The following LRP1B variants were observed in gnomAD, a reference collection of about 807,000 sequenced individuals.
LRP1B encodes the protein low-density lipoprotein receptor-related protein 1B.
Under a neutral mutation model 556.6 loss-of-function variants are expected in LRP1B, and 217 were observed. The ratio of observed to expected loss-of-function variants is 0.39; its 90% CI spans 0.35 to 0.44. The LOEUF (loss-of-function observed/expected upper bound fraction) is 0.44, where lower values mean the gene tolerates loss of function less well. LRP1B is among the 20% of genes least tolerant of loss of function. LRP1B has a pLI of 1.00. For synonymous variants in LRP1B, 2,047 were observed against 1,865.8 expected, an observed-to-expected ratio of 1.10 and a Z score of -2.50; for missense variants, 5,053 against 5,620.8, an observed-to-expected ratio of 0.90 and a Z score of 3.23.
Position 140,702,496 on chromosome 2 carries a change from A to T in LRP1B, c.6081T>A (p.Asp2027Glu), listed in dbSNP as rs777376619. Residue 2027 changes from aspartate (D) to glutamate (E), a missense_variant, in exon 38 of 91, where the codon GAT (aspartate) becomes GAA (glutamate). Physicochemically the swap from Asp to Glu is conservative, Grantham distance 45. Coordinates refer to ENST00000389484, the MANE Select transcript of LRP1B (RefSeq NM_018557.3). The part of the protein sequence containing the change: ...QMPCIGKARL[D>E]GSEKVVLVSM... ...TTACAAGGACAACCTTCTCTGAGCCATCCAAGCGAGCCTTTCCAATACAGG... is the reference window on the plus strand; with the variant it reads ...TTACAAGGACAACCTTCTCTGAGCCTTCCAAGCGAGCCTTTCCAATACAGG... 13 of 1,613,578 alleles carry T rather than the reference A, an allele frequency of 8.1e-6. No homozygotes were observed. The highest frequency in any genetic ancestry group is 1.1e-5 in the Non-Finnish European group (13 of 1,179,698).
At chr2:140,538,194 G>A (rs1409765189) in intron 45 of LRP1B, among the ~76,000 whole-genome samples, 1 of 151,896 alleles carries the variant, frequency 6.6e-6, no homozygotes, top group Admixed American at 6.6e-5. Context: ...TTAGTAGAGG[G>A]TCTATCTAAG....
intron 1 of LRP1B, among the ~76,000 whole-genome samples, chr2:141,852,408 G>A (rs1697896530): frequency 6.6e-6 from 1 of 151,664 alleles, no homozygotes; most frequent in South Asian, 2.1e-4. Flanking sequence ...ATACAAACAT[G>A]CATATATGAT....
rs114529116 is a variant in LRP1B, at chr2:140,556,273, T to A, written c.7195-14302A>T. On this transcript the variant is annotated intron_variant, in intron 43 of 90. Coordinates refer to ENST00000389484, the MANE Select transcript of LRP1B (RefSeq NM_018557.3). Reference sequence around the variant, plus strand: ...TAGGTCATAGGACTCTAATCTGCCCTTGGAGGAAAGGACACCCTAATCTGC... The same window carrying A: ...TAGGTCATAGGACTCTAATCTGCCCATGGAGGAAAGGACACCCTAATCTGC... Among the ~76,000 whole-genome samples, 1,154 of 152,076 alleles carry A rather than the reference T, an allele frequency of 7.6e-3. 17 individuals carry two copies. Among genetic ancestry groups the A allele is most frequent in the African/African-American group, 0.026 (1,098 of 41,480 alleles).
intron 71 of LRP1B, among the ~76,000 whole-genome samples, chr2:140,368,132 T>C (rs1365860289): frequency 6.6e-6 from 1 of 151,766 alleles, no homozygotes; most frequent in Non-Finnish European, 1.5e-5. Flanking sequence ...ATTCCTTATT[T>C]TGAAATGGCA....
chr2:141,480,854 T>C (rs1682895003), intron 2 of LRP1B, among the ~76,000 whole-genome samples: 1 of 152,156 alleles, frequency 6.6e-6, no homozygotes, highest in South Asian at 2.1e-4. Context: ...CCTAGATAAG[T>C]TGGGCAGGGT....
At chr2:141,320,488 T>C (rs1687197830) in intron 3 of LRP1B, among the ~76,000 whole-genome samples, 1 of 152,056 alleles carries the variant, frequency 6.6e-6, no homozygotes, top group Non-Finnish European at 1.5e-5. Context: ...TTAGTGATGC[T>C]ATGTACTATG....
At chr2:142,081,218 A>G (rs1007534074) in intron 1 of LRP1B, among the ~76,000 whole-genome samples, 2 of 152,162 alleles carry the variant, frequency 1.3e-5, no homozygotes, top group African/African-American at 4.8e-5. Flanking sequence ...AGTATATAAG[A>G]AGAAATAAGA....
intron 7 of LRP1B, among the ~76,000 whole-genome samples, chr2:141,115,867 C>G (rs989508335): frequency 3.3e-5 from 5 of 152,102 alleles, no homozygotes; most frequent in African/African-American, 4.8e-5. Context: ...ATTTTGCTTT[C>G]ACACACCCTA....
chr2:140,594,409 C>G (rs62171950), intron 43 of LRP1B, among the ~76,000 whole-genome samples: 31,155 of 152,102 alleles, frequency 0.2, 3,509 homozygotes, highest in Admixed American at 0.28. Flanking sequence ...AATGACTAAG[C>G]CTATCAGACT....
At chr2:141,507,564 T>C (rs1683976353) in intron 2 of LRP1B, among the ~76,000 whole-genome samples, 1 of 152,156 alleles carries the variant, frequency 6.6e-6, no homozygotes, top group South Asian at 2.1e-4. Flanking sequence ...CAGTGAATTC[T>C]CTTCAGGAGA....
At chr2:140,855,997 C>A (rs965434639) in intron 27 of LRP1B, among the ~76,000 whole-genome samples, 4 of 152,266 alleles carry the variant, frequency 2.6e-5, no homozygotes, top group African/African-American at 9.6e-5. Flanking sequence ...TCTACTCCTC[C>A]AACATGTTTC....
intron 15 of LRP1B, among the ~76,000 whole-genome samples, chr2:140,997,558 T>C (rs1011279353): frequency 2.9e-4 from 44 of 150,890 alleles, no homozygotes; most frequent in African/African-American, 9.2e-4. Flanking sequence ...TCTAAATTAA[T>C]TTTTCCCTCA....
chr2:140,664,431 C>G (rs899711536), intron 41 of LRP1B, among the ~76,000 whole-genome samples: 1 of 151,860 alleles, frequency 6.6e-6, no homozygotes, highest in African/African-American at 2.4e-5. Flanking sequence ...CTCTGTTCAA[C>G]TATTCTTTCC....
intron 43 of LRP1B, among the ~76,000 whole-genome samples, chr2:140,559,554 C>A (rs905830763): frequency 6.6e-6 from 1 of 152,032 alleles, no homozygotes; most frequent in Non-Finnish European, 1.5e-5. Context: ...AAGTCCAGTG[C>A]CAGCCTGGAA....
At chr2:142,053,646 G>A (rs879735194) in intron 1 of LRP1B, among the ~76,000 whole-genome samples, 1 of 152,130 alleles carries the variant, frequency 6.6e-6, no homozygotes, top group Admixed American at 6.6e-5. Flanking sequence ...ATGCATGAAA[G>A]GCAGTTGGAT....
chr2:141,735,859 T>C (rs1222413328), intron 2 of LRP1B, among the ~76,000 whole-genome samples: 2 of 152,132 alleles, frequency 1.3e-5, no homozygotes, highest in African/African-American at 4.8e-5. Flanking sequence ...TGCTTAAACA[T>C]AGGAGCTGTT....
In LRP1B at chr2:141,824,310, C is replaced by T. The variant is rs563878493; in HGVS notation, c.83-13909G>A. Among the ~76,000 whole-genome samples, 5 of 152,220 alleles carry T rather than the reference C, an allele frequency of 3.3e-5. No homozygotes were observed. The South Asian group carries it at 6.2e-4, about 19-fold the overall frequency. ...GAGTTAAATGACTTTTTCAATGCCA[C>T]TCAACTAGCAAGATCAGGATATAAA... On this transcript the variant is annotated intron_variant, in intron 1 of 90. Coordinates refer to ENST00000389484, the MANE Select transcript of LRP1B (RefSeq NM_018557.3).
At chr2:142,035,026 T>A (rs959876575) in intron 1 of LRP1B, among the ~76,000 whole-genome samples, 19 of 151,784 alleles carry the variant, frequency 1.3e-4, no homozygotes, top group Non-Finnish European at 5.9e-5. Flanking sequence ...TTTACTAATT[T>A]AAAATGGGTA....
chr2:142,006,132 A>G (rs550738782), intron 1 of LRP1B, among the ~76,000 whole-genome samples: 1 of 152,270 alleles, frequency 6.6e-6, no homozygotes, highest in African/African-American at 2.4e-5. Context: ...AATGAATGAG[A>G]ACATGATTTC....
Sources: gnomAD v4.1 joint callset for allele counts (sites outside exome capture counted in the v4.1 genomes callset) on GRCh38, gnomAD v4.1.1 for gene constraint, MANE v1.5 for transcripts, NCBI Gene and HGNC (gene_info 2026-07-23, HGNC 2026-07-21) for gene names.